MCTP2: variants seen among roughly 807,000 people sequenced by gnomAD.
MCTP2 encodes the protein multiple C2 and transmembrane domain-containing protein 2.
MCTP2 carries 132 observed loss-of-function variants against 111.6 expected under a neutral mutation model. The observed-to-expected ratio is 1.18, with a 90% CI of 1.03 to 1.37. MCTP2 has a LOEUF of 1.37. Among genes scored for constraint, MCTP2 ranks in the 40% most tolerant of loss-of-function variants. The probability of loss-of-function intolerance (pLI) is 0.00; values close to 1 mark genes in which losing one functional copy is unlikely to be tolerated. For missense variants in MCTP2, 1,183 were observed against 1,067.9 expected (o/e 1.11, Z -1.50); for synonymous variants, 395 against 387.7 (o/e 1.02, Z -0.22).
chr15:94,455,624 A>ACCATGTTGG (rs148087586), intron 19 of MCTP2, among the ~76,000 whole-genome samples: 5,926 of 151,856 alleles, frequency 0.039, 368 homozygotes, highest in African/African-American at 0.13. Context: ...ACTGGGCTTC[A>ACCATGTTGG]CCATGTTGGT....
chr15:94,483,915 C>G lies in MCTP2; in HGVS notation c.*4881C>G, dbSNP rs527875641. The G allele has an allele frequency of 1.2e-4, 18 of 152,174 alleles. No individual in the cohort carries two copies. Among genetic ancestry groups the G allele is most frequent in the African/African-American group, 4.3e-4 (18 of 41,502 alleles). The allele number at this position is 152,174 out of a possible 1,614,324, so 9.4% of individuals were successfully genotyped here. A position where few individuals can be genotyped will look rare whatever the true frequency, so the allele number is the denominator to read the frequency against. On this transcript the variant is annotated 3_prime_UTR_variant, in exon 23 of 23. Coordinates refer to ENST00000357742, the MANE Select transcript of MCTP2 (RefSeq NM_001385001.1). The stretch of plus-strand genomic sequence containing the variant: ...TATTAGGAATCTTGTGACAACGGAA[C>G]AGTTGAAAAATTAAAATAAAAATTG...
intron 10 of MCTP2, among the ~76,000 whole-genome samples, chr15:94,361,519 C>T (rs905813655): frequency 6.6e-6 from 1 of 152,186 alleles, no homozygotes; most frequent in Non-Finnish European, 1.5e-5. Flanking sequence ...GTCATCATGG[C>T]TAACAGTAAC....
intron 17 of MCTP2, among the ~76,000 whole-genome samples, chr15:94,409,877 C>T (rs1596620146): frequency 7.1e-6 from 1 of 141,714 alleles, no homozygotes; most frequent in East Asian, 2.4e-4. Context: ...CTTTCCCCCT[C>T]CCTTTCCCCC....
intron 4 of MCTP2, among the ~76,000 whole-genome samples, chr15:94,317,290 C>T (rs910649495): frequency 6.6e-6 from 1 of 152,102 alleles, no homozygotes; most frequent in Non-Finnish European, 1.5e-5. Context: ...TCTCTTCCCC[C>T]ATCTGTGGAT....
intron 4 of MCTP2, among the ~76,000 whole-genome samples, chr15:94,337,108 C>G (rs1056874585): frequency 1.3e-5 from 2 of 152,142 alleles, no homozygotes; most frequent in African/African-American, 4.8e-5. Context: ...TGTCACTTCC[C>G]TGACAGTGAG....
At chr15:94,462,491 G>A (rs889110912) in intron 20 of MCTP2, among the ~76,000 whole-genome samples, 2 of 152,120 alleles carry the variant, frequency 1.3e-5, no homozygotes, top group Non-Finnish European at 2.9e-5. Flanking sequence ...CTTCAACTTC[G>A]GATTTTCTAT....
intron 2 of MCTP2, among the ~76,000 whole-genome samples, chr15:94,307,778 G>A (rs563084666): frequency 6.6e-6 from 1 of 152,122 alleles, no homozygotes; most frequent in South Asian, 2.1e-4. Flanking sequence ...TGGGCTGTGG[G>A]CAGAGGGAAA....
At chr15:94,358,721 C>G in intron 10 of MCTP2, 109 bp downstream of exon 10, 1 of 1,305,408 alleles carries the variant, frequency 7.7e-7, no homozygotes, top group East Asian at 2.5e-5. Context: ...CATCCCTCAC[C>G]CCAGAGTGCC....
chr15:94,269,108 A>G (rs1022855518), intron 1 of MCTP2, among the ~76,000 whole-genome samples: 45 of 152,240 alleles, frequency 3.0e-4, no homozygotes, highest in African/African-American at 1.0e-3. Flanking sequence ...TTTGTCTTTC[A>G]CACTTAGCAC....
intron 1 of MCTP2, among the ~76,000 whole-genome samples, chr15:94,263,056 G>A (rs746082560): frequency 2.6e-5 from 4 of 152,072 alleles, no homozygotes; most frequent in Admixed American, 6.6e-5. Context: ...CTGCTCTGGT[G>A]GTATAAATGA....
intron 17 of MCTP2, among the ~76,000 whole-genome samples, chr15:94,408,648 A>G (rs1252826839): frequency 1.3e-5 from 2 of 152,250 alleles, no homozygotes. Flanking sequence ...TCGCATTAAA[A>G]AGATTATCTG....
At chr15:94,344,030 G>A (rs560366854) in intron 7 of MCTP2, 77 of 151,794 alleles carry the variant, frequency 5.1e-4, no homozygotes, top group African/African-American at 1.8e-3. Flanking sequence ...TGGTTGGTTT[G>A]GGTGAAAATA....
chr15:94,455,187 A>T (rs542402218), intron 19 of MCTP2, among the ~76,000 whole-genome samples: 175 of 152,340 alleles, frequency 1.1e-3, no homozygotes, highest in African/African-American at 4.0e-3. Context: ...CATTCTGACC[A>T]TTAATGGAAA....
chr15:94,413,286 A>T (rs1416793009), intron 17 of MCTP2, among the ~76,000 whole-genome samples: 1 of 152,184 alleles, frequency 6.6e-6, no homozygotes, highest in Non-Finnish European at 1.5e-5. Flanking sequence ...AGTAAAAAAA[A>T]TTCAAATTTT....
chr15:94,273,886 C>A (rs2074046371), intron 1 of MCTP2: 2 of 235,576 alleles, frequency 8.5e-6, no homozygotes, highest in Non-Finnish European at 1.9e-5. Flanking sequence ...AGGTGGCTCT[C>A]ACCAGGCCAA....
At chr15:94,415,429 T>G (rs1364200550) in intron 17 of MCTP2, among the ~76,000 whole-genome samples, 1 of 152,190 alleles carries the variant, frequency 6.6e-6, no homozygotes, top group African/African-American at 2.4e-5. Context: ...CCATTTCTGG[T>G]GTTTACATAG....
intron 4 of MCTP2, among the ~76,000 whole-genome samples, chr15:94,325,005 G>A (rs112343985): frequency 3.9e-5 from 6 of 152,302 alleles, no homozygotes; most frequent in South Asian, 2.1e-4. Context: ...ATGTACTGAA[G>A]TATTCATTCT....
At chr15:94,254,096 A>G (rs2072612943) in intron 1 of MCTP2, among the ~76,000 whole-genome samples, 1 of 152,240 alleles carries the variant, frequency 6.6e-6, no homozygotes, top group Non-Finnish European at 1.5e-5. Context: ...TGTTTTCGTC[A>G]TAGCATTGGA....
At chr15:94,414,567 A>T (rs1004185573) in intron 17 of MCTP2, among the ~76,000 whole-genome samples, 2 of 152,240 alleles carry the variant, frequency 1.3e-5, no homozygotes, top group East Asian at 1.9e-4. Context: ...GGACGTGTTC[A>T]TCAGGAAATA....
Sources: allele counts gnomAD v4.1 joint callset (sites outside exome capture counted in the v4.1 genomes callset), GRCh38; gene constraint gnomAD v4.1.1; transcripts MANE v1.5; gene names NCBI Gene and HGNC (gene_info 2026-07-23, HGNC 2026-07-21).